LRRC7: variants seen among roughly 807,000 people sequenced by gnomAD.
LRRC7 encodes the protein leucine rich repeat containing 7, also known as leucine-rich repeat-containing protein 7.
In LRRC7, 23 loss-of-function variants were observed where a neutral mutation model predicts 175.7. That is an observed-to-expected ratio of 0.13 (90% CI 0.09 to 0.19). The LOEUF is 0.19. Ranked by LOEUF, LRRC7 falls within the 10% of genes least tolerant of loss-of-function variation. The pLI is 1.00. For missense variants in LRRC7, 1,354 were observed against 1,904.7 expected, an observed-to-expected ratio of 0.71 and a Z score of 5.38; for synonymous variants, 685 against 680.9, an observed-to-expected ratio of 1.01 and a Z score of -0.09.
chr1:70,059,454 A>G (rs947361629), intron 23 of LRRC7, among the ~76,000 whole-genome samples: 10 of 149,342 alleles, frequency 6.7e-5, no homozygotes, highest in African/African-American at 2.5e-4. Flanking sequence ...GGAATTTATC[A>G]GAAGAAGAAA....
At chr1:70,070,624 C>A (rs1662309869) in intron 23 of LRRC7, among the ~76,000 whole-genome samples, 1 of 152,184 alleles carries the variant, frequency 6.6e-6, no homozygotes, top group Admixed American at 6.5e-5. Context: ...TGGGGTGCTG[C>A]ATTGTTATGG....
At chr1:69,611,180 C>T (rs897412087) in intron 1 of LRRC7, among the ~76,000 whole-genome samples, 2 of 151,910 alleles carry the variant, frequency 1.3e-5, no homozygotes, top group African/African-American at 4.8e-5. Flanking sequence ...GTTAAAGTCA[C>T]ACCACTTTAA....
chr1:70,031,929 G>T (rs191897881), intron 18 of LRRC7, among the ~76,000 whole-genome samples: 51 of 152,192 alleles, frequency 3.4e-4, no homozygotes, highest in Admixed American at 2.7e-3. Context: ...CTCCTGAGTA[G>T]CTGGGATTAC....
At chr1:70,050,878 T>C (rs1660695336) in intron 22 of LRRC7, among the ~76,000 whole-genome samples, 1 of 152,126 alleles carries the variant, frequency 6.6e-6, no homozygotes, top group East Asian at 1.9e-4. Flanking sequence ...CTAAGGTGTC[T>C]CATGCAAGAA....
At chr1:70,013,544 A>C (rs974989947) in intron 13 of LRRC7, among the ~76,000 whole-genome samples, 20 of 151,996 alleles carry the variant, frequency 1.3e-4, no homozygotes, top group African/African-American at 4.3e-4. Flanking sequence ...TGCTCATTAG[A>C]ATACTGACAA....
At chr1:69,728,618 A>C (rs912904859) in intron 2 of LRRC7, among the ~76,000 whole-genome samples, 1 of 152,226 alleles carries the variant, frequency 6.6e-6, no homozygotes, top group Non-Finnish European at 1.5e-5. Context: ...CATGAGCCAA[A>C]GAAATGTGAA....
At chr1:69,568,980 G>T (rs1065629) in intron 1 of LRRC7, among the ~76,000 whole-genome samples, 22,404 of 152,122 alleles carry the variant, frequency 0.15, 2,097 homozygotes, top group Admixed American at 0.22. Context: ...GCTGAAATTA[G>T]GTTTAGCTCC....
At chr1:69,673,160 A>T (rs1193492088) in intron 1 of LRRC7, among the ~76,000 whole-genome samples, 1 of 152,152 alleles carries the variant, frequency 6.6e-6, no homozygotes, top group African/African-American at 2.4e-5. Context: ...GCACCTGATT[A>T]ATCTAAAAAA....
intron 2 of LRRC7, among the ~76,000 whole-genome samples, chr1:69,749,393 T>A (rs1486017576): frequency 6.6e-6 from 1 of 152,168 alleles, no homozygotes; most frequent in Admixed American, 6.6e-5. Flanking sequence ...CAGCATTATT[T>A]ATAAATATGG....
chr1:69,592,342 AAATTCAGGCAGATTGTATTGT>A, intron 1 of LRRC7, among the ~76,000 whole-genome samples: 1 of 152,228 alleles, frequency 6.6e-6, no homozygotes, highest in Middle Eastern at 3.4e-3. Flanking sequence ...TCTGCCTCTC[AAATTCAGGCAGATTGTATTGT>A]AATTCAGACA....
At chr1:70,078,841 C>CAT (rs1404066930) in intron 24 of LRRC7, among the ~76,000 whole-genome samples, 2 of 151,836 alleles carry the variant, frequency 1.3e-5, no homozygotes, top group Non-Finnish European at 2.9e-5. Flanking sequence ...CACACACACA[C>CAT]ACACACACAC....
At chr1:69,635,334 ATAACT>A (rs1368246596) in intron 1 of LRRC7, among the ~76,000 whole-genome samples, 1 of 152,148 alleles carries the variant, frequency 6.6e-6, no homozygotes, top group Admixed American at 6.6e-5. Context: ...TGATTAATCC[ATAACT>A]ACCAAAAGAC....
At chr1:70,053,222 CTT>C (rs1460691872) in intron 23 of LRRC7, 77 bp downstream of exon 23, 6 of 1,283,296 alleles carry the variant, frequency 4.7e-6, no homozygotes, top group African/African-American at 4.6e-5. Flanking sequence ...TATTTTGTGT[CTT>C]ATCATAATTT....
At chr1:69,633,415 T>G (rs1470319364) in intron 1 of LRRC7, among the ~76,000 whole-genome samples, 1 of 150,018 alleles carries the variant, frequency 6.7e-6, no homozygotes, top group Non-Finnish European at 1.5e-5. Flanking sequence ...TTAATTTTTT[T>G]TGTTATTTAT....
chr1:69,786,034 T>G (rs1039005538), intron 3 of LRRC7, among the ~76,000 whole-genome samples: 2 of 152,206 alleles, frequency 1.3e-5, no homozygotes, highest in African/African-American at 4.8e-5. Flanking sequence ...CTTGATTCTT[T>G]GTTTTTCTGT....
At chr1:69,943,949 AAC>A (rs55900412) in intron 8 of LRRC7, among the ~76,000 whole-genome samples, 9,158 of 145,294 alleles carry the variant, frequency 0.063, 565 homozygotes, top group African/African-American at 0.16. Flanking sequence ...TATCATGGTA[AAC>A]ACACACACAC....
chr1:70,072,315 A>G (rs1571240362), intron 23 of LRRC7, among the ~76,000 whole-genome samples: 1 of 152,168 alleles, frequency 6.6e-6, no homozygotes, highest in Non-Finnish European at 1.5e-5. Context: ...CTCTGCATGA[A>G]TAAGTCTAGT....
chr1:69,585,254 T>C (rs11209496), intron 1 of LRRC7, among the ~76,000 whole-genome samples: 38,477 of 151,976 alleles, frequency 0.25, 5,429 homozygotes, highest in East Asian at 0.36. Context: ...CTTTATGTAA[T>C]CCTCACCATA....
chr1:70,105,240 A>G (rs946585187), intron 25 of LRRC7, among the ~76,000 whole-genome samples: 1 of 152,138 alleles, frequency 6.6e-6, no homozygotes, highest in East Asian at 1.9e-4. Context: ...TCAAACAACT[A>G]GTTTTCTTTT....
Sources: gnomAD v4.1 joint callset for allele counts (sites outside exome capture counted in the v4.1 genomes callset) on GRCh38, gnomAD v4.1.1 for gene constraint, MANE v1.5 for transcripts, NCBI Gene and HGNC (gene_info 2026-07-23, HGNC 2026-07-21) for gene names.